PPP1R12A: variants seen among roughly 807,000 people sequenced by gnomAD.
PPP1R12A encodes the protein protein phosphatase 1 regulatory subunit 12A.
A neutral mutation model predicts 139.6 loss-of-function variants in PPP1R12A; 19 were observed. The ratio of observed to expected loss-of-function variants is 0.14; its 90% CI spans 0.09 to 0.20. PPP1R12A has a LOEUF of 0.20. Among genes scored for constraint, PPP1R12A ranks in the 10% least tolerant of loss-of-function variants. The pLI is 1.00. For synonymous variants in PPP1R12A, 427 were observed against 420.6 expected (o/e 1.02, Z -0.19); for missense variants, 925 against 1,211.5 (o/e 0.76, Z 3.51).
At position 79,774,814 on chromosome 12, in the gene PPP1R12A, A is replaced by C. The variant is rs928975799; in HGVS notation, c.*1115T>G. 6.6e-6 allele frequency: 1 copy of C among 152,588 alleles called. No individual in the cohort carries two copies. The highest frequency in any genetic ancestry group is 1.5e-5 in the Non-Finnish European group (1 of 67,996). 9.5% of individuals were successfully genotyped at this position (152,588 alleles called of 1,614,324 possible). A position where few individuals can be genotyped will look rare whatever the true frequency, so the allele number is the denominator to read the frequency against. ...AACAGTTTTAGACAGCACTCAGATA[A>C]ATATAGGTATGTGAAATGTAAAGCA... On this transcript the variant is annotated 3_prime_UTR_variant, in exon 25 of 25. Transcript: ENST00000450142.
intron 24 of PPP1R12A, chr12:79,777,559 G>A (rs541513636): frequency 4.3e-4 from 424 of 985,060 alleles, no homozygotes; most frequent in Non-Finnish European, 4.9e-4. Flanking sequence ...AACCCTGAGC[G>A]CTTGGCTACC....
chr12:79,886,284 C>G (rs907730582), intron 1 of PPP1R12A, among the ~76,000 whole-genome samples: 1 of 152,104 alleles, frequency 6.6e-6, no homozygotes, highest in African/African-American at 2.4e-5. Context: ...AAAGAAAAAC[C>G]TAGCTCTTGC....
chr12:79,790,305 C>A (rs1186961108), intron 20 of PPP1R12A, among the ~76,000 whole-genome samples, 162 bp downstream of exon 20: 2 of 151,906 alleles, frequency 1.3e-5, no homozygotes, highest in Admixed American at 1.3e-4. Flanking sequence ...GAAGTAAAGC[C>A]TTTAACAAAG....
chr12:79,872,117 A>G (rs1221868334), intron 2 of PPP1R12A, among the ~76,000 whole-genome samples: 1 of 152,188 alleles, frequency 6.6e-6, no homozygotes, highest in African/African-American at 2.4e-5. Flanking sequence ...ATATTTACAG[A>G]GTAGAATTCC....
At chr12:79,825,682 T>C (rs1876675345) in intron 5 of PPP1R12A, among the ~76,000 whole-genome samples, 1 of 151,838 alleles carries the variant, frequency 6.6e-6, no homozygotes, top group Non-Finnish European at 1.5e-5. Context: ...TGGTAGTACC[T>C]TAAGTGCACA....
intron 1 of PPP1R12A, among the ~76,000 whole-genome samples, chr12:79,892,399 C>T (rs2596780): frequency 0.2 from 30,725 of 152,028 alleles, 5,504 homozygotes; most frequent in African/African-American, 0.48. Flanking sequence ...CTATACAAAA[C>T]AACAGTCTAA....
chr12:79,906,801 G>A (rs1363690567), intron 1 of PPP1R12A, among the ~76,000 whole-genome samples: 2 of 151,848 alleles, frequency 1.3e-5, no homozygotes, highest in Non-Finnish European at 2.9e-5. Context: ...CCACCACCAC[G>A]CCCAGCTAAC....
At chr12:79,902,996 A>G (rs904570507) in intron 1 of PPP1R12A, among the ~76,000 whole-genome samples, 11 of 152,146 alleles carry the variant, frequency 7.2e-5, no homozygotes, top group African/African-American at 2.7e-4. Context: ...TCACACGTGT[A>G]CGTGTAAGAA....
intron 14 of PPP1R12A, among the ~76,000 whole-genome samples, chr12:79,801,540 G>A (rs1282255115): frequency 1.3e-5 from 2 of 151,620 alleles, no homozygotes; most frequent in African/African-American, 2.4e-5. Context: ...AGCGAGTATA[G>A]CGTATCTTCA....
At position 79,775,903 on chromosome 12, in the gene PPP1R12A, T is replaced by C. The variant is rs770917018; in HGVS notation, c.*26A>G. On this transcript the variant is annotated 3_prime_UTR_variant, in exon 25 of 25. Coordinates refer to ENST00000450142, the MANE Select transcript of PPP1R12A (RefSeq NM_002480.3). Reference sequence around the variant, plus strand: ...CCACTGGGTTACTAATATGTGCAATTCCATTACTTGCTGCTTTTTTTTTTT... The same window carrying C: ...CCACTGGGTTACTAATATGTGCAATCCCATTACTTGCTGCTTTTTTTTTTT... The C allele has an allele frequency of 7.3e-6, 11 of 1,497,284 alleles. No homozygotes were observed. The African/African-American group carries it at 1.3e-4, about 17-fold the overall frequency. 92.7% of individuals were successfully genotyped at this position (1,497,284 alleles called of 1,614,324 possible).
intron 5 of PPP1R12A, among the ~76,000 whole-genome samples, chr12:79,823,602 T>C (rs1876404740): frequency 6.6e-6 from 1 of 151,944 alleles, no homozygotes; most frequent in African/African-American, 2.4e-5. Flanking sequence ...CTTTTTTTTT[T>C]TTTTTTTTAA....
chr12:79,851,161 C>T (rs1053708043), intron 2 of PPP1R12A, among the ~76,000 whole-genome samples: 2 of 152,004 alleles, frequency 1.3e-5, no homozygotes, highest in Non-Finnish European at 2.9e-5. Context: ...TTACTCAAAG[C>T]CATCCTAGGA....
chr12:79,845,552 A>C, intron 2 of PPP1R12A, 132 bp from the exon 3 acceptor site: 1 of 653,550 alleles, frequency 1.5e-6, no homozygotes, highest in Non-Finnish European at 2.5e-6. Flanking sequence ...TAAATTTTAA[A>C]AAACTATCAG....
At chr12:79,820,967 T>TTTA in intron 7 of PPP1R12A, 36 bp from the exon 8 acceptor site, 3 of 1,608,582 alleles carry the variant, frequency 1.9e-6, no homozygotes, top group Non-Finnish European at 2.6e-6. Context: ...TGATTAGAAA[T>TTTA]ACAAAAGGTT....
intron 1 of PPP1R12A, among the ~76,000 whole-genome samples, chr12:79,876,068 C>T (rs1883071085): frequency 6.6e-6 from 1 of 152,140 alleles, no homozygotes; most frequent in Admixed American, 6.5e-5. Context: ...GCATTATACA[C>T]AAGCAATGCA....
chr12:79,928,879 A>G (rs1888044663), intron 1 of PPP1R12A, among the ~76,000 whole-genome samples: 1 of 152,240 alleles, frequency 6.6e-6, no homozygotes, highest in Admixed American at 6.5e-5. Context: ...TTTGTATTTT[A>G]AAAGCAAAAG....
At chr12:79,813,420 G>A (rs1037819933) in intron 9 of PPP1R12A, among the ~76,000 whole-genome samples, 16 of 152,042 alleles carry the variant, frequency 1.1e-4, no homozygotes, top group Non-Finnish European at 2.1e-4. Context: ...TGTACGTTTC[G>A]ATTGGACTAC....
intron 1 of PPP1R12A, among the ~76,000 whole-genome samples, chr12:79,915,151 T>C (rs1233834602): frequency 6.6e-6 from 1 of 152,084 alleles, no homozygotes; most frequent in Admixed American, 6.6e-5. Flanking sequence ...AAGGGGCTCA[T>C]AAGAAAATAA....
Position 79,845,396 on chromosome 12 carries a change from A to G in PPP1R12A, c.393T>C (p.His131=), listed in dbSNP as rs574299785. The change falls in exon 3 of 25, where the codon CAT becomes CAC. Residue 131 remains histidine (H), a synonymous_variant. Transcript: ENST00000450142. ...IAEFLIGQGA[H]VGAVNSEGDT... ...CTCCTTCACTGTTGACAGCCCCTAC[A>G]TGTGCTCCTTGACCAATCAAAAACC... is the stretch of plus-strand genomic sequence containing the variant. 68 of 1,613,364 alleles carry G rather than the reference A, an allele frequency of 4.2e-5. No homozygotes were observed. Among genetic ancestry groups the G allele is most frequent in the South Asian group, 2.2e-4 (20 of 91,014 alleles).
Sources: allele counts gnomAD v4.1 joint callset (sites outside exome capture counted in the v4.1 genomes callset), GRCh38; gene constraint gnomAD v4.1.1; transcripts MANE v1.5; gene names NCBI Gene and HGNC (gene_info 2026-07-23, HGNC 2026-07-21).